VAV2: variants seen among roughly 807,000 people sequenced by gnomAD.
The protein encoded by VAV2 is guanine nucleotide exchange factor VAV2.
In VAV2, 67 loss-of-function variants were observed where a neutral mutation model predicts 132.5. The ratio of observed to expected loss-of-function variants is 0.51; its 90% confidence interval spans 0.42 to 0.62. The LOEUF (loss-of-function observed/expected upper bound fraction) is 0.62. VAV2 is among the 20% of genes least tolerant of loss of function. The probability of loss-of-function intolerance (pLI) is 0.00; values close to 1 mark genes in which losing one functional copy is unlikely to be tolerated. For missense variants in VAV2, 938 were observed against 1,153.6 expected (o/e 0.81, Z 2.71); for synonymous variants, 492 against 443.5 (o/e 1.11, Z -1.37).
intron 3 of VAV2, among the ~76,000 whole-genome samples, chr9:133,839,028 GTGGA>G (rs1274840553): frequency 6.6e-5 from 10 of 151,486 alleles, no homozygotes; most frequent in Admixed American, 6.6e-4. Flanking sequence ...GGGTAGGTGG[GTGGA>G]TGGATGAAAA....
intron 3 of VAV2, among the ~76,000 whole-genome samples, chr9:133,851,664 GTGGATGGA>G (rs144389638): frequency 0.032 from 4,865 of 151,122 alleles, 250 homozygotes; most frequent in African/African-American, 0.11. Flanking sequence ...GGACAGAAGG[GTGGATGGA>G]TGGATGGATG....
intron 2 of VAV2, among the ~76,000 whole-genome samples, chr9:133,899,643 C>T (rs1189554484): frequency 6.7e-6 from 1 of 150,124 alleles, no homozygotes; most frequent in Non-Finnish European, 1.5e-5. Flanking sequence ...CTCCTGACCT[C>T]AGGCGATCCA....
intron 2 of VAV2, among the ~76,000 whole-genome samples, chr9:133,906,069 C>CCCT (rs1839640279): frequency 6.6e-6 from 1 of 152,096 alleles, no homozygotes; most frequent in Non-Finnish European, 1.5e-5. Context: ...GAGGTTCCTA[C>CCCT]AAGGAAACTG....
chr9:133,987,922 C>G (rs545010375), intron 1 of VAV2, among the ~76,000 whole-genome samples: 1 of 152,350 alleles, frequency 6.6e-6, no homozygotes, highest in South Asian at 2.1e-4. Context: ...CAACTGGGAT[C>G]TCTGTGACCA....
intron 2 of VAV2, among the ~76,000 whole-genome samples, chr9:133,931,033 G>T (rs1460075907): frequency 3.3e-5 from 5 of 152,232 alleles, no homozygotes; most frequent in Admixed American, 1.3e-4. Flanking sequence ...CTCTGGGAAG[G>T]TTCATTCCGC....
intron 1 of VAV2, among the ~76,000 whole-genome samples, chr9:133,944,291 GA>G (rs1468364789): frequency 1.3e-5 from 2 of 152,160 alleles, no homozygotes; most frequent in African/African-American, 4.8e-5. Context: ...GCTGGAGTGG[GA>G]AACAGGACAG....
rs3780772 is a variant in VAV2 at position 133,942,578 on chromosome 9, T to A, written c.205-3359A>T. On this transcript the variant is annotated intron_variant, in intron 1 of 29. Coordinates refer to ENST00000371850, the MANE Select transcript of VAV2 (RefSeq NM_001134398.2). ...GGCGTGACTATTTTTTGAATATGGC[T>A]TGTCTGTAATTTCCACTAAGCATTT... Among the ~76,000 whole-genome samples the A allele has an allele frequency of 7.2e-4, 109 of 152,380 alleles. 1 individual carries two copies. The East Asian group carries it at 0.02, about 28-fold the overall frequency.
intron 3 of VAV2, among the ~76,000 whole-genome samples, chr9:133,846,594 C>T (rs550106579): frequency 5.5e-3 from 25 of 4,508 alleles, no homozygotes; most frequent in South Asian, 0.051. Flanking sequence ...TATCCAGGGC[C>T]GCCAAGCAGT....
intron 2 of VAV2, among the ~76,000 whole-genome samples, chr9:133,903,501 C>A (rs1314833759): frequency 6.6e-6 from 1 of 152,186 alleles, no homozygotes; most frequent in Non-Finnish European, 1.5e-5. Context: ...GGCCACATCA[C>A]CTGCCAGTCA....
intron 2 of VAV2, among the ~76,000 whole-genome samples, chr9:133,908,413 C>T (rs117891679): frequency 0.018 from 2,784 of 152,196 alleles, 33 homozygotes; most frequent in Middle Eastern, 0.034. Flanking sequence ...TGGGGGCCCT[C>T]GGTCACTCAA....
At chr9:133,810,627 G>A (rs546520234) in intron 5 of VAV2, among the ~76,000 whole-genome samples, 75 of 152,334 alleles carry the variant, frequency 4.9e-4, no homozygotes, top group African/African-American at 1.7e-3. Flanking sequence ...CGGGACCAGC[G>A]CTGGGCATGA....
rs139736998 is a variant in VAV2 at position 133,916,251 on chromosome 9, G to A, written c.321+22852C>T. 2.2e-3 allele frequency among the ~76,000 whole-genome samples: 332 copies of A among 152,374 alleles called. 4 individuals carry two copies. The East Asian group carries it at 0.041, about 19-fold the overall frequency. ...ATGGAGGAGGCGGACAGGCAACACC[G>A]AGCTGGGCTTGGTCCCACTCGATAA... On this transcript the variant is annotated intron_variant, in intron 2 of 29. Coordinates refer to ENST00000371850, the MANE Select transcript of VAV2 (RefSeq NM_001134398.2).
Position 133,912,797 on chromosome 9 carries a change from C to T in VAV2, c.321+26306G>A, listed in dbSNP as rs1326595267. On this transcript the variant is annotated intron_variant, in intron 2 of 29. Transcript: ENST00000371850. The surrounding 1 kb of genome is among the most constrained non-coding windows in gnomAD (Gnocchi z 4.3). ...TGTTCAGCCCCTCTAAAATCACAATCGTCCTGTCCTCGTTCCGTCCCTCTA... is the reference window on the plus strand; with the variant it reads ...TGTTCAGCCCCTCTAAAATCACAATTGTCCTGTCCTCGTTCCGTCCCTCTA... Among the ~76,000 whole-genome samples the T allele has an allele frequency of 2.6e-5, 4 of 152,170 alleles. No homozygotes were observed. In the East Asian group the frequency reaches 5.8e-4, roughly 22 times the overall value.
At chr9:133,780,765 G>A (rs1291971811) in intron 19 of VAV2, 55 bp from the exon 20 acceptor site, 13 of 1,258,196 alleles carry the variant, frequency 1.0e-5, no homozygotes, top group Admixed American at 8.4e-5. Flanking sequence ...CCAAGGCCCC[G>A]TGCAGCTCTC....
chr9:133,797,836 C>G (rs558375727), intron 9 of VAV2, 27 bp from the exon 10 acceptor site: 24 of 1,605,834 alleles, frequency 1.5e-5, no homozygotes, highest in Middle Eastern at 1.7e-4. Flanking sequence ...CACGCACACA[C>G]GCACACAGAT....
intron 4 of VAV2, among the ~76,000 whole-genome samples, chr9:133,815,962 G>A (rs188599724): frequency 1.3e-5 from 2 of 152,264 alleles, no homozygotes; most frequent in East Asian, 1.9e-4. Flanking sequence ...AGCCAGCAGC[G>A]CTCACCAGCC....
At chr9:133,949,631 C>T (rs957664420) in intron 1 of VAV2, among the ~76,000 whole-genome samples, 3 of 152,234 alleles carry the variant, frequency 2.0e-5, no homozygotes, top group African/African-American at 7.2e-5. Context: ...GGGAAACAGG[C>T]TTCCCAGAGA....
chr9:133,881,845 T>G (rs1258573917), intron 2 of VAV2, among the ~76,000 whole-genome samples: 1 of 152,226 alleles, frequency 6.6e-6, no homozygotes, highest in African/African-American at 2.4e-5. Context: ...TGGCCCCGGC[T>G]GGCATCACGG....
rs1171209207 is a variant in VAV2 at position 133,863,395 on chromosome 9, A to C, written c.322-1963T>G. ...AGAACCTGTTTGTCAACCTGGAGTC[A>C]GCGCAAAGGCCCCAGGTCGGGTCGT... is the stretch of plus-strand genomic sequence containing the variant. On this transcript the variant is annotated intron_variant, in intron 2 of 29. Coordinates refer to ENST00000371850, the MANE Select transcript of VAV2 (RefSeq NM_001134398.2). The surrounding 1 kb of genome is among the most constrained non-coding windows in gnomAD (Gnocchi z 5.0). Among the ~76,000 whole-genome samples the C allele has an allele frequency of 5.9e-5, 9 of 152,212 alleles. No homozygotes were observed. The highest frequency in any genetic ancestry group is 5.9e-4 in the Admixed American group (9 of 15,290).
Sources: allele counts gnomAD v4.1 joint callset (sites outside exome capture counted in the v4.1 genomes callset), GRCh38; gene constraint gnomAD v4.1.1; non-coding constraint Gnocchi (gnomAD v3.1); transcripts MANE v1.5; gene names NCBI Gene and HGNC (gene_info 2026-07-23, HGNC 2026-07-21).